The following KCNQ5 variants were observed in gnomAD, a reference collection of about 807,000 sequenced individuals.
KCNQ5 encodes potassium voltage-gated channel subfamily KQT member 5.
A neutral mutation model predicts 98.2 loss-of-function variants in KCNQ5; 30 were observed. The observed-to-expected ratio is 0.31, with a 90% CI of 0.23 to 0.41. The LOEUF (loss-of-function observed/expected upper bound fraction) is 0.41. KCNQ5 is among the 10% of genes least tolerant of loss of function. The probability of loss-of-function intolerance (pLI) is 1.00; values close to 1 mark genes in which losing one functional copy is unlikely to be tolerated. For missense variants in KCNQ5, 835 were observed against 1,182.5 expected (o/e 0.71, Z 4.31); for synonymous variants, 458 against 449.4 (o/e 1.02, Z -0.24).
At chr6:72,918,867 A>G (rs1274506871) in intron 1 of KCNQ5, among the ~76,000 whole-genome samples, 1 of 152,230 alleles carries the variant, frequency 6.6e-6, no homozygotes, top group East Asian at 1.9e-4. Context: ...GGAAAGTTGC[A>G]TGAAGTCCAG....
At chr6:73,035,200 T>G (rs7773521) in intron 2 of KCNQ5, among the ~76,000 whole-genome samples, 113,889 of 152,064 alleles carry the variant, frequency 0.75, 44,931 homozygotes, top group Non-Finnish European at 0.88. Context: ...ATAAGAAAAT[T>G]CTTCTATGTT....
chr6:73,141,800 A>C (rs1776723027), intron 10 of KCNQ5, among the ~76,000 whole-genome samples: 1 of 152,194 alleles, frequency 6.6e-6, no homozygotes, highest in Admixed American at 6.5e-5. Flanking sequence ...GTCCACATTG[A>C]TACTTTAAAA....
At chr6:73,012,971 G>A (rs1049396989) in intron 2 of KCNQ5, among the ~76,000 whole-genome samples, 1 of 152,046 alleles carries the variant, frequency 6.6e-6, no homozygotes, top group Non-Finnish European at 1.5e-5. Context: ...CTCTTGGAAA[G>A]ATAGCAAATA....
At chr6:73,007,072 T>A (rs930423955) in intron 2 of KCNQ5, among the ~76,000 whole-genome samples, 2 of 152,134 alleles carry the variant, frequency 1.3e-5, no homozygotes, top group African/African-American at 2.4e-5. Context: ...ACTTTCGCTG[T>A]CCATCCCACA....
chr6:73,100,222 A>G lies in KCNQ5; in HGVS notation c.919-5035A>G, dbSNP rs535084236. Among the ~76,000 whole-genome samples the G allele has an allele frequency of 1.1e-4, 17 of 152,342 alleles. No homozygotes were observed. The South Asian group carries it at 3.5e-3, about 32-fold the overall frequency. ...GTACTAAAAGGGAAGTTTATAACTA[A>G]AAGTGCTTACATCAGTAAAGAAGAA... On this transcript the variant is annotated intron_variant, in intron 5 of 13. Coordinates refer to ENST00000370398, the MANE Select transcript of KCNQ5 (RefSeq NM_019842.4).
intron 10 of KCNQ5, among the ~76,000 whole-genome samples, chr6:73,156,926 T>C (rs570088164): frequency 1.1e-4 from 17 of 152,130 alleles, no homozygotes; most frequent in African/African-American, 4.1e-4. Context: ...GCAAATGCCA[T>C]CTATCTGTTG....
intron 1 of KCNQ5, among the ~76,000 whole-genome samples, chr6:72,849,623 G>A (rs1389467808): frequency 6.6e-6 from 1 of 152,100 alleles, no homozygotes; most frequent in Non-Finnish European, 1.5e-5. Flanking sequence ...GACAGATTCA[G>A]GGAAAAGGGG....
Position 72,952,097 on chromosome 6 carries a change from G to A in KCNQ5, c.399-51811G>A, listed in dbSNP as rs896846392. On this transcript the variant is annotated intron_variant, in intron 1 of 13. Coordinates refer to ENST00000370398, the MANE Select transcript of KCNQ5 (RefSeq NM_019842.4). ...AAGTTTGCAAAGTTGAAGGTAAGAA[G>A]GATGGATGGTGAAATGGAAGCAAAG... 2.0e-5 allele frequency among the ~76,000 whole-genome samples: 3 copies of A among 152,196 alleles called. 1 individual carries two copies. In the South Asian group the frequency reaches 6.2e-4, roughly 31 times the overall value.
chr6:72,930,552 CTGAGT>C (rs1450196904), intron 1 of KCNQ5, among the ~76,000 whole-genome samples: 1 of 133,172 alleles, frequency 7.5e-6, no homozygotes, highest in Non-Finnish European at 1.5e-5. Context: ...AGTTAATCAC[CTGAGT>C]TAAGACATAT....
intron 1 of KCNQ5, among the ~76,000 whole-genome samples, chr6:72,712,420 G>A (rs771007013): frequency 2.1e-4 from 32 of 152,194 alleles, no homozygotes; most frequent in Non-Finnish European, 4.1e-4. Flanking sequence ...GAACACTTCC[G>A]AATCCTAAAA....
rs552117803 is a variant in KCNQ5 at position 73,157,394 on chromosome 6, T to C, written c.1469-12352T>C. 4 of 579,478 alleles carry C rather than the reference T, an allele frequency of 6.9e-6. No individual in the cohort carries two copies. In the Admixed American group the frequency reaches 1.1e-4, roughly 16 times the overall value. The allele number at this position is 579,478 out of a possible 1,614,324, so 35.9% of individuals were successfully genotyped here. On this transcript the variant is annotated intron_variant, in intron 10 of 13. Coordinates refer to ENST00000370398, the MANE Select transcript of KCNQ5 (RefSeq NM_019842.4). ...TGTGTCAGGCTTAGGATTCACAATT[T>C]CTGGGGGGCAGCGGCAGCTCTGCAC...
intron 2 of KCNQ5, among the ~76,000 whole-genome samples, chr6:73,025,129 A>G (rs187939052): frequency 6.6e-6 from 1 of 152,350 alleles, no homozygotes; most frequent in Admixed American, 6.5e-5. Context: ...TTTGGCTTAC[A>G]TGCCAGAAAA....
chr6:72,705,240 T>C (rs1769011805), intron 1 of KCNQ5, among the ~76,000 whole-genome samples: 1 of 152,210 alleles, frequency 6.6e-6, no homozygotes, highest in African/African-American at 2.4e-5. Flanking sequence ...TTGTGAGAAC[T>C]GATATCCTGG....
intron 1 of KCNQ5, among the ~76,000 whole-genome samples, chr6:72,772,787 A>G (rs940152808): frequency 8.5e-5 from 13 of 152,172 alleles, no homozygotes; most frequent in Non-Finnish European, 1.6e-4. Flanking sequence ...TTCAGAAAAA[A>G]TAACAGCACC....
At chr6:72,771,055 A>C (rs1431425012) in intron 1 of KCNQ5, among the ~76,000 whole-genome samples, 2 of 152,102 alleles carry the variant, frequency 1.3e-5, no homozygotes, top group African/African-American at 4.8e-5. Flanking sequence ...GGTGCACTGA[A>C]AGAAGTTGTT....
At chr6:73,187,655 A>G (rs569243417) in intron 11 of KCNQ5, among the ~76,000 whole-genome samples, 1 of 151,862 alleles carries the variant, frequency 6.6e-6, no homozygotes, top group Non-Finnish European at 1.5e-5. Context: ...TTGAAATAAC[A>G]TAAAAGATAA....
intron 2 of KCNQ5, among the ~76,000 whole-genome samples, chr6:73,013,701 C>T (rs936900648): frequency 1.3e-5 from 2 of 152,090 alleles, no homozygotes; most frequent in Admixed American, 1.3e-4. Context: ...AAAGACTGGG[C>T]TGTCTTCAGA....
chr6:73,195,546 G>A lies in KCNQ5; in HGVS notation c.*132G>A, dbSNP rs1014080635. 1.8e-4 allele frequency: 210 copies of A among 1,168,452 alleles called. No homozygotes were observed. The highest frequency in any genetic ancestry group is 2.2e-4 in the Non-Finnish European group (180 of 837,032). 72.4% of individuals were successfully genotyped at this position (1,168,452 alleles called of 1,614,324 possible). A position where few individuals can be genotyped will look rare whatever the true frequency, so the allele number is the denominator to read the frequency against. ...AACATGAAAGGCAGTTTATAAGCCC[G>A]TTACCTTTTAATTGCATGAAAATGC... On this transcript the variant is annotated 3_prime_UTR_variant, in exon 14 of 14. Coordinates refer to ENST00000370398, the MANE Select transcript of KCNQ5 (RefSeq NM_019842.4).
chr6:73,158,032 G>C, intron 10 of KCNQ5: 1 of 692,666 alleles, frequency 1.4e-6, no homozygotes, highest in Non-Finnish European at 2.7e-6. Context: ...TCCATGGGGA[G>C]GCCGCTGATA....
Sources: allele counts gnomAD v4.1 joint callset (sites outside exome capture counted in the v4.1 genomes callset), GRCh38; gene constraint gnomAD v4.1.1; transcripts MANE v1.5; gene names NCBI Gene and HGNC (gene_info 2026-07-23, HGNC 2026-07-21).